Variants in DPH6 observed in about 807,000 individuals in gnomAD.
The protein encoded by DPH6 is diphthine--ammonia ligase.
A neutral mutation model predicts 38.2 loss-of-function variants in DPH6; 33 were observed. The ratio of observed to expected loss-of-function variants is 0.86; its 90% CI spans 0.65 to 1.15. The LOEUF (loss-of-function observed/expected upper bound fraction) is 1.15, where lower values mean the gene tolerates loss of function less well. Among genes scored for constraint, DPH6 ranks in the 50% most tolerant of loss-of-function variants. DPH6 has a pLI of 0.00. For synonymous variants in DPH6, 108 were observed against 103.0 expected (o/e 1.05, Z -0.30); for missense variants, 325 against 320.0 (o/e 1.02, Z -0.12).
chr15:35,334,668 G>A (rs1025077632), intron 3 of DPH6, among the ~76,000 whole-genome samples: 2 of 152,022 alleles, frequency 1.3e-5, no homozygotes, highest in African/African-American at 2.4e-5. Flanking sequence ...TGGTTTTTCT[G>A]TTCCTATGTT....
rs138032842 is a variant in DPH6, at chr15:35,378,258, A to C, written c.662+3564T>G. ...TCATCACCTGTCATTAGAGAAATGC[A>C]AATCAAAACCACAATGAGATACCAT... On this transcript the variant is annotated intron_variant, in intron 7 of 8. Coordinates refer to ENST00000256538, the MANE Select transcript of DPH6 (RefSeq NM_080650.4). Among the ~76,000 whole-genome samples the C allele has an allele frequency of 3.0e-3, 450 of 152,338 alleles. 1 individual carries two copies. The highest frequency in any genetic ancestry group is 1.0e-2 in the African/African-American group (414 of 41,578).
chr15:35,390,459 C>T (rs140872606), intron 6 of DPH6, among the ~76,000 whole-genome samples: 4 of 152,166 alleles, frequency 2.6e-5, no homozygotes, highest in African/African-American at 9.7e-5. Context: ...TTCCATTCTC[C>T]CCATCACTTT....
At chr15:35,415,429 T>C (rs543957133) in intron 5 of DPH6, among the ~76,000 whole-genome samples, 1 of 152,156 alleles carries the variant, frequency 6.6e-6, no homozygotes, top group East Asian at 1.9e-4. Flanking sequence ...AGCATAGAGC[T>C]TTACACAGGT....
At chr15:35,515,747 A>AT (rs1777706734) in intron 3 of DPH6, among the ~76,000 whole-genome samples, 1 of 147,676 alleles carries the variant, frequency 6.8e-6, no homozygotes, top group Non-Finnish European at 1.5e-5. Flanking sequence ...AAAAAAAAAA[A>AT]TTAGCCAGGT....
intron 4 of DPH6, 85 bp from the exon 5 acceptor site, chr15:35,450,888 T>C (rs1027998141): frequency 9.3e-7 from 1 of 1,075,954 alleles, no homozygotes; most frequent in African/African-American, 1.6e-5. Flanking sequence ...ATTTGAAACA[T>C]AATGCTTCGT....
At chr15:35,410,511 T>C (rs2053352248) in intron 6 of DPH6, among the ~76,000 whole-genome samples, 1 of 151,730 alleles carries the variant, frequency 6.6e-6, no homozygotes, top group Non-Finnish European at 1.5e-5. Context: ...TGAAAAAGCA[T>C]GTGATCACAG....
chr15:35,165,818 C>T, the DPH6 span, among the ~76,000 whole-genome samples: 3 of 151,868 alleles, frequency 2.0e-5, no homozygotes, highest in African/African-American at 7.2e-5. Context: ...TTCACGACGG[C>T]AATTTGACTT....
intron 6 of DPH6, among the ~76,000 whole-genome samples, chr15:35,393,527 A>T (rs2053087678): frequency 6.6e-6 from 1 of 152,322 alleles, no homozygotes; most frequent in East Asian, 1.9e-4. Flanking sequence ...AAAGGGTATG[A>T]TCTAATGGCA....
chr15:35,242,215 C>A (rs1328261667), intron 3 of DPH6, among the ~76,000 whole-genome samples: 1 of 143,558 alleles, frequency 7.0e-6, no homozygotes, highest in Non-Finnish European at 1.5e-5. Context: ...TGGCATAATT[C>A]TCGTAAAAAC....
At chr15:35,373,469 G>A in intron 8 of DPH6, 52 bp downstream of exon 8, 1 of 1,499,026 alleles carries the variant, frequency 6.7e-7, no homozygotes, top group Non-Finnish European at 9.1e-7. Flanking sequence ...CAAAGCCAAT[G>A]TATATATCTC....
intron 3 of DPH6, among the ~76,000 whole-genome samples, chr15:35,465,177 G>C (rs953698513): frequency 2.0e-5 from 3 of 152,052 alleles, no homozygotes; most frequent in Non-Finnish European, 4.4e-5. Context: ...GCATTTATCG[G>C]GGATATAATT....
intron 6 of DPH6, among the ~76,000 whole-genome samples, chr15:35,406,816 G>A (rs759785329): frequency 1.3e-5 from 2 of 151,972 alleles, no homozygotes; most frequent in Non-Finnish European, 2.9e-5. Flanking sequence ...TGACAGTGTG[G>A]AGGTACAGCT....
intron 3 of DPH6, chr15:35,282,683 G>C: frequency 5.0e-6 from 2 of 401,372 alleles, no homozygotes; most frequent in South Asian, 4.3e-5. Flanking sequence ...AACCCAACTA[G>C]GTGCAATTTA....
intron 5 of DPH6, among the ~76,000 whole-genome samples, chr15:35,436,808 C>CT (rs145015008): frequency 7.5e-5 from 11 of 146,602 alleles, no homozygotes; most frequent in Middle Eastern, 3.8e-3. Flanking sequence ...ATGCAAGAGG[C>CT]TTTTTTTTCT....
Position 35,371,731 on chromosome 15 carries a change from T to C in DPH6, c.*419A>G. On this transcript the variant is annotated 3_prime_UTR_variant, in exon 9 of 9. Coordinates refer to ENST00000256538, the MANE Select transcript of DPH6 (RefSeq NM_080650.4). Reference sequence around the variant, plus strand: ...CGACACCCAGTAGAATAAGCTTGACTGGCTAAATAAAGTGACCATCTTTTC... The same window carrying C: ...CGACACCCAGTAGAATAAGCTTGACCGGCTAAATAAAGTGACCATCTTTTC... The C allele has an allele frequency of 1.0e-6, 1 of 987,608 alleles. No individual in the cohort carries two copies. The highest frequency in any genetic ancestry group is 1.2e-6 in the Non-Finnish European group (1 of 831,600). 61.2% of individuals were successfully genotyped at this position (987,608 alleles called of 1,614,324 possible).
At chr15:35,192,878 G>C in the DPH6 span, among the ~76,000 whole-genome samples, 21 of 152,256 alleles carry the variant, frequency 1.4e-4, no homozygotes, top group African/African-American at 5.1e-4. Flanking sequence ...GTGATGATAA[G>C]GAATGAACAT....
At chr15:35,408,378 AAC>A in intron 6 of DPH6, among the ~76,000 whole-genome samples, 1 of 152,136 alleles carries the variant, frequency 6.6e-6, no homozygotes, top group Non-Finnish European at 1.5e-5. Context: ...GGCCTGAAGT[AAC>A]ACACATCTGA....
chr15:35,152,993 A>C, the DPH6 span, among the ~76,000 whole-genome samples: 1 of 152,256 alleles, frequency 6.6e-6, no homozygotes, highest in Non-Finnish European at 1.5e-5. Context: ...AGGGGTTGGC[A>C]AACTACAGCC....
chr15:35,490,087 A>C (rs2054456718), intron 3 of DPH6: 2 of 985,392 alleles, frequency 2.0e-6, no homozygotes. Flanking sequence ...CTTGGCCTAA[A>C]TCTCTTCCAG....
Sources: gnomAD v4.1 joint callset for allele counts (sites outside exome capture counted in the v4.1 genomes callset) on GRCh38, gnomAD v4.1.1 for gene constraint, MANE v1.5 for transcripts, NCBI Gene and HGNC (gene_info 2026-07-23, HGNC 2026-07-21) for gene names.